The following PRKN variants were observed in gnomAD, a reference collection of about 807,000 sequenced individuals.
The protein encoded by PRKN is E3 ubiquitin-protein ligase parkin.
PRKN carries 56 observed loss-of-function variants against 59.5 expected under a neutral mutation model. The ratio of observed to expected loss-of-function variants is 0.94; its 90% confidence interval spans 0.76 to 1.18. The LOEUF is 1.18. Among genes scored for constraint, PRKN ranks in the 50% most tolerant of loss-of-function variants. The pLI is 0.00. For missense variants in PRKN, 657 were observed against 596.4 expected, an observed-to-expected ratio of 1.10 and a Z score of -1.06; for synonymous variants, 250 against 222.1, an observed-to-expected ratio of 1.13 and a Z score of -1.12.
intron 10 of PRKN, among the ~76,000 whole-genome samples, chr6:161,383,995 A>G (rs1364222175): frequency 6.6e-6 from 1 of 152,130 alleles, no homozygotes; most frequent in Admixed American, 6.5e-5. Flanking sequence ...GTGATCAGGA[A>G]CCAGAAGCAG....
At chr6:161,764,548 G>A (rs1789345073) in intron 7 of PRKN, among the ~76,000 whole-genome samples, 1 of 152,108 alleles carries the variant, frequency 6.6e-6, no homozygotes, top group African/African-American at 2.4e-5. Flanking sequence ...TGAAAATTAA[G>A]CTCTACTTCC....
chr6:161,669,952 C>A (rs1400847854), intron 7 of PRKN, among the ~76,000 whole-genome samples: 3 of 152,202 alleles, frequency 2.0e-5, no homozygotes, highest in African/African-American at 7.2e-5. Context: ...GCAGAACGGG[C>A]CCTGAGAAAT....
intron 1 of PRKN, among the ~76,000 whole-genome samples, chr6:162,480,523 G>T (rs1270213420): frequency 2.6e-5 from 4 of 152,104 alleles, no homozygotes; most frequent in African/African-American, 7.2e-5. Context: ...CCATGGATTT[G>T]CCAGTTGACA....
intron 2 of PRKN, among the ~76,000 whole-genome samples, chr6:162,282,150 T>C (rs943261134): frequency 2.6e-5 from 4 of 152,276 alleles, no homozygotes; most frequent in African/African-American, 4.8e-5. Flanking sequence ...ACCCCTGGTA[T>C]AGAGCAACGC....
At chr6:161,686,400 T>C (rs549977847) in intron 7 of PRKN, among the ~76,000 whole-genome samples, 80 of 152,332 alleles carry the variant, frequency 5.3e-4, no homozygotes, top group African/African-American at 1.7e-3. Context: ...CTTATCTACA[T>C]AGATCAACCA....
intron 1 of PRKN, chr6:162,568,584 A>T: frequency 1.3e-6 from 1 of 779,648 alleles, no homozygotes; most frequent in South Asian, 1.4e-5. Flanking sequence ...GGAGAAGGAG[A>T]AGGAGCAGAT....
At chr6:162,300,963 A>G (rs1781915775) in intron 2 of PRKN, among the ~76,000 whole-genome samples, 2 of 151,504 alleles carry the variant, frequency 1.3e-5, no homozygotes, top group African/African-American at 4.9e-5. Flanking sequence ...GACATGCACT[A>G]AAGAAGAATA....
intron 6 of PRKN, among the ~76,000 whole-genome samples, chr6:161,848,754 G>A (rs745340879): frequency 2.0e-5 from 3 of 152,130 alleles, no homozygotes; most frequent in Non-Finnish European, 4.4e-5. Context: ...TGGTGTTTCC[G>A]AATTTTCCAG....
intron 7 of PRKN, chr6:161,716,011 C>A: frequency 2.3e-6 from 2 of 864,878 alleles, no homozygotes; most frequent in Non-Finnish European, 3.4e-6. Flanking sequence ...ATTTAACAAG[C>A]TCTTCTGGGG....
intron 1 of PRKN, among the ~76,000 whole-genome samples, chr6:162,554,908 T>C (rs1435863537): frequency 6.6e-6 from 1 of 152,192 alleles, no homozygotes; most frequent in Non-Finnish European, 1.5e-5. Flanking sequence ...AGAAAAATGA[T>C]GAAATATACT....
chr6:162,287,724 G>A (rs1348409854), intron 2 of PRKN, among the ~76,000 whole-genome samples: 1 of 152,136 alleles, frequency 6.6e-6, no homozygotes, highest in Non-Finnish European at 1.5e-5. Flanking sequence ...GATTAACTGG[G>A]AGGGTTACAT....
chr6:161,423,647 T>TGGAA lies in PRKN; in HGVS notation c.1084-36774_1084-36771dup, dbSNP rs1360393108. ...TGGTCTGTTTAAAGCTGCCTCTTTC[T>TGGAA]GGAAGCTTCCTCTGCACACTCTAGC... On this transcript the variant is annotated intron_variant, in intron 9 of 11. Transcript: ENST00000366898. This position sits in a 1 kb window ranked among gnomAD's most constrained non-coding sequence, Gnocchi z 5.9. 6.6e-6 allele frequency among the ~76,000 whole-genome samples: 1 copy of TGGAA among 152,212 alleles called. No homozygotes were observed. The highest frequency in any genetic ancestry group is 1.5e-5 in the Non-Finnish European group (1 of 68,038).
At chr6:162,596,009 G>GA (rs560811351) in intron 1 of PRKN, among the ~76,000 whole-genome samples, 28 of 146,592 alleles carry the variant, frequency 1.9e-4, no homozygotes, top group South Asian at 1.1e-3. Context: ...TACATCTGGT[G>GA]AAAAAAAAAA....
At chr6:161,762,572 T>C (rs1192495231) in intron 7 of PRKN, among the ~76,000 whole-genome samples, 1 of 152,236 alleles carries the variant, frequency 6.6e-6, no homozygotes, top group Non-Finnish European at 1.5e-5. Context: ...ATTTACATTG[T>C]TTTGTAATCA....
chr6:161,564,591 C>T (rs1017071838), intron 8 of PRKN, among the ~76,000 whole-genome samples: 4 of 152,200 alleles, frequency 2.6e-5, no homozygotes, highest in African/African-American at 7.2e-5. Flanking sequence ...AATCCCAGTA[C>T]CACAAAGCAT....
chr6:161,803,387 C>T (rs1158847461), intron 6 of PRKN, among the ~76,000 whole-genome samples: 2 of 152,196 alleles, frequency 1.3e-5, no homozygotes, highest in Non-Finnish European at 2.9e-5. Flanking sequence ...GCTTCCTTTG[C>T]CAATAGGATA....
intron 9 of PRKN, among the ~76,000 whole-genome samples, chr6:161,406,008 A>C (rs1787255364): frequency 6.6e-6 from 1 of 152,158 alleles, no homozygotes; most frequent in African/African-American, 2.4e-5. Flanking sequence ...CCTTAAGAGC[A>C]CTGGGAAAGA....
chr6:162,710,014 C>A (rs1338283382), intron 1 of PRKN, among the ~76,000 whole-genome samples: 2 of 152,210 alleles, frequency 1.3e-5, no homozygotes, highest in East Asian at 3.9e-4. Context: ...TCATTCTCCT[C>A]CACGGGTTGG....
At chr6:161,902,063 T>G (rs1454827602) in intron 6 of PRKN, among the ~76,000 whole-genome samples, 1 of 152,164 alleles carries the variant, frequency 6.6e-6, no homozygotes, top group African/African-American at 2.4e-5. Context: ...TTCCTCTACC[T>G]CCATTTCACT....
Sources: gnomAD v4.1 joint callset for allele counts (sites outside exome capture counted in the v4.1 genomes callset) on GRCh38, gnomAD v4.1.1 for gene constraint, Gnocchi (gnomAD v3.1) non-coding constraint, MANE v1.5 for transcripts, NCBI Gene and HGNC (gene_info 2026-07-23, HGNC 2026-07-21) for gene names.